The following SERPINB7 variants were observed in gnomAD, a reference collection of about 807,000 sequenced individuals.
The protein encoded by SERPINB7 is serpin family B member 7, also known as serpin B7.
A neutral mutation model predicts 37.4 loss-of-function variants in SERPINB7; 31 were observed. The observed-to-expected ratio is 0.83, with a 90% confidence interval of 0.62 to 1.12. The LOEUF (loss-of-function observed/expected upper bound fraction) is 1.12, where lower values mean the gene tolerates loss of function less well. Ranked by LOEUF, SERPINB7 falls within the 50% of genes most tolerant of loss-of-function variation. The pLI is 0.00. For synonymous variants in SERPINB7, 163 were observed against 166.1 expected (o/e 0.98, Z 0.14); for missense variants, 521 against 455.3 (o/e 1.14, Z -1.31).
chr18:63,801,926 G>A (rs902833428), intron 7 of SERPINB7, among the ~76,000 whole-genome samples: 6 of 152,142 alleles, frequency 3.9e-5, no homozygotes, highest in African/African-American at 1.4e-4. Flanking sequence ...GCGGAATTCA[G>A]GCCTCTCTCA....
intron 1 of SERPINB7, among the ~76,000 whole-genome samples, chr18:63,758,143 A>G: frequency 6.6e-6 from 1 of 152,204 alleles, no homozygotes; most frequent in East Asian, 1.9e-4. Flanking sequence ...CACATACTGT[A>G]TCATTGTCAT....
intron 1 of SERPINB7, among the ~76,000 whole-genome samples, chr18:63,753,617 A>G (rs1397771009): frequency 6.6e-6 from 1 of 152,228 alleles, no homozygotes; most frequent in African/African-American, 2.4e-5. Flanking sequence ...TAAGCAAATG[A>G]TCCAGAACCC....
Position 63,800,976 on chromosome 18 carries a change from C to T in SERPINB7, c.708C>T (p.Asn236=). 6.2e-7 allele frequency: 1 copy of T among 1,613,888 alleles called. No homozygotes were observed. The highest frequency in any genetic ancestry group is 8.5e-7 in the Non-Finnish European group (1 of 1,179,822). ...ILELRYNGGI[N]MYVLLPENDL... ...AGCTCAGATACAATGGTGGCATAAACATGTACGTTCTGCTGCCTGAGAATG... is the reference window on the plus strand; with the variant it reads ...AGCTCAGATACAATGGTGGCATAAATATGTACGTTCTGCTGCCTGAGAATG... The change falls in exon 7 of 8, where the codon AAC becomes AAT. Residue 236 remains asparagine, a synonymous_variant. Coordinates refer to ENST00000398019, the MANE Select transcript of SERPINB7 (RefSeq NM_003784.4).
chr18:63,772,203 T>C (rs992484412), upstream of SERPINB7, among the ~76,000 whole-genome samples: 9 of 152,068 alleles, frequency 5.9e-5, no homozygotes, highest in African/African-American at 2.2e-4. Context: ...TCAACTTAAA[T>C]AATGTCTAAA....
Position 63,804,514 on chromosome 18 carries a change from G to A in SERPINB7, c.1022G>A (p.Gly341Glu). Residue 341 changes from glycine to glutamate, a missense_variant, in exon 8 of 8, where the codon GGA (glycine) becomes GAA (glutamate). Gly to Glu is a moderately conservative substitution (Grantham distance 98). Coordinates refer to ENST00000398019, the MANE Select transcript of SERPINB7 (RefSeq NM_003784.4). ...EEGTEATAAT[G>E]SNIVEKQLPQ... ...GGCACCGAGGCTACTGCTGCCACAG[G>A]AAGTAATATTGTAGAAAAGCAACTC... 6.2e-7 allele frequency: 1 copy of A among 1,613,796 alleles called. No homozygotes were observed. The highest frequency in any genetic ancestry group is 8.5e-7 in the Non-Finnish European group (1 of 1,179,880).
chr18:63,799,362 A>G (rs1393284795), intron 6 of SERPINB7, among the ~76,000 whole-genome samples: 1 of 152,198 alleles, frequency 6.6e-6, no homozygotes, highest in Non-Finnish European at 1.5e-5. Flanking sequence ...GGAATGTTGT[A>G]TTGGGGCCCC....
chr18:63,781,518 T>A (rs2049300803), intron 1 of SERPINB7, among the ~76,000 whole-genome samples: 1 of 152,226 alleles, frequency 6.6e-6, no homozygotes, highest in African/African-American at 2.4e-5. Context: ...GTTCATGTAG[T>A]CTGAGACAAC....
Position 63,800,963 on chromosome 18 carries a change from A to G in SERPINB7, c.695A>G (p.Asn232Ser). 1 of 1,613,982 alleles carries G rather than the reference A, an allele frequency of 6.2e-7. No individual in the cohort carries two copies. Among genetic ancestry groups the G allele is most frequent in the Non-Finnish European group, 8.5e-7 (1 of 1,179,868 alleles). Reference protein sequence around the residue: ...PSMKILELRYNGGINMYVLLP... With the variant: ...PSMKILELRYSGGINMYVLLP... ...ATGAAGATTCTTGAGCTCAGATACA[A>G]TGGTGGCATAAACATGTACGTTCTG... The change falls in exon 7 of 8, where the codon AAT becomes AGT. Residue 232 changes from asparagine (N) to serine (S), a missense_variant. Physicochemically the swap from Asn to Ser is conservative, Grantham distance 46. Coordinates refer to ENST00000398019, the MANE Select transcript of SERPINB7 (RefSeq NM_003784.4).
intron 1 of SERPINB7, among the ~76,000 whole-genome samples, chr18:63,779,725 A>G (rs2049283611): frequency 6.6e-6 from 1 of 152,032 alleles, no homozygotes; most frequent in African/African-American, 2.4e-5. Flanking sequence ...ATTCTTGTGT[A>G]GCTTCTCTTT....
chr18:63,797,884 G>A (rs1162428638), intron 5 of SERPINB7, among the ~76,000 whole-genome samples: 1 of 152,154 alleles, frequency 6.6e-6, no homozygotes, highest in Non-Finnish European at 1.5e-5. Flanking sequence ...GCTCTTTCAG[G>A]TTTCTGTGCC....
intron 7 of SERPINB7, among the ~76,000 whole-genome samples, chr18:63,801,613 G>A (rs1332991115): frequency 6.6e-6 from 1 of 152,222 alleles, no homozygotes; most frequent in Non-Finnish European, 1.5e-5. Flanking sequence ...ATAGTTTGGT[G>A]GGCAGCGGTC....
rs2049123198 is a variant in SERPINB7 at position 63,756,586 on chromosome 18, C to T, written c.-19+3466C>T. On this transcript the variant is annotated intron_variant, in intron 1 of 7. Transcript: ENST00000336429. ...CCAACAGAGTGGGCCCAGGTCTCCA[C>T]TCCATCCTGGTAGAGATCAGGGTGG... is the stretch of plus-strand genomic sequence containing the variant. Among the ~76,000 whole-genome samples the T allele has an allele frequency of 2.0e-5, 3 of 152,174 alleles. No homozygotes were observed. The South Asian group carries it at 6.2e-4, about 31-fold the overall frequency.
chr18:63,785,728 T>C (rs1270296284), intron 2 of SERPINB7, among the ~76,000 whole-genome samples: 1 of 151,326 alleles, frequency 6.6e-6, no homozygotes, highest in East Asian at 1.9e-4. Context: ...TTGTTGTGTT[T>C]TGTTTTTTTT....
chr18:63,760,513 G>A (rs1359160459), intron 1 of SERPINB7, among the ~76,000 whole-genome samples: 3 of 152,222 alleles, frequency 2.0e-5, no homozygotes, highest in Non-Finnish European at 4.4e-5. Flanking sequence ...GTAGCAAGGA[G>A]CCTAATGTTA....
intron 6 of SERPINB7, among the ~76,000 whole-genome samples, chr18:63,799,225 A>G (rs563177180): frequency 1.4e-4 from 22 of 152,336 alleles, no homozygotes; most frequent in Non-Finnish European, 2.9e-4. Context: ...GTATTTCTTC[A>G]TTTAGTTCTG....
intron 2 of SERPINB7, among the ~76,000 whole-genome samples, chr18:63,790,852 C>T (rs563588776): frequency 5.1e-4 from 77 of 152,120 alleles, no homozygotes; most frequent in Non-Finnish European, 8.4e-4. Flanking sequence ...ATGTTTATTG[C>T]AGCACTATTC....
chr18:63,778,738 T>C (rs1053438653), intron 1 of SERPINB7, among the ~76,000 whole-genome samples: 1 of 152,114 alleles, frequency 6.6e-6, no homozygotes, highest in Non-Finnish European at 1.5e-5. Context: ...GCTAATAATA[T>C]ATTAGCTAAA....
At position 63,805,243 on chromosome 18, in the gene SERPINB7, G is replaced by C. The variant is rs1470465623; in HGVS notation, c.*608G>C. 1 of 152,284 alleles carries C rather than the reference G, an allele frequency of 6.6e-6. No individual in the cohort carries two copies. Among genetic ancestry groups the C allele is most frequent in the Non-Finnish European group, 1.5e-5 (1 of 68,152 alleles). The allele number at this position is 152,284 out of a possible 1,614,324, so 9.4% of individuals were successfully genotyped here. ...TGGTCTTTCTTTGATAAGACAATAT[G>C]TACATAGTTTTTTCAAATATTAAAG... On this transcript the variant is annotated 3_prime_UTR_variant, in exon 8 of 8. Coordinates refer to ENST00000398019, the MANE Select transcript of SERPINB7 (RefSeq NM_003784.4).
rs183716423 is a variant in SERPINB7, at chr18:63,759,066, T to A, written c.-19+5946T>A. ...CTACTTGATCATATGCATGGGTGCA[T>A]ACACACAAAAGAATATTTGCTCCTG... On this transcript the variant is annotated intron_variant, in intron 1 of 7. Coordinates refer to the SERPINB7 transcript ENST00000336429. Among the ~76,000 whole-genome samples the A allele has an allele frequency of 1.2e-4, 19 of 152,344 alleles. No individual in the cohort carries two copies. In the East Asian group the frequency reaches 3.7e-3, roughly 29 times the overall value.
Sources: gnomAD v4.1 joint callset for allele counts (sites outside exome capture counted in the v4.1 genomes callset) on GRCh38, gnomAD v4.1.1 for gene constraint, MANE v1.5 for transcripts, NCBI Gene and HGNC (gene_info 2026-07-23, HGNC 2026-07-21) for gene names.